RPL15: variants seen among roughly 807,000 people sequenced by gnomAD.
RPL15 encodes the protein large ribosomal subunit protein eL15.
For missense variants in RPL15, 161 were observed against 271.8 expected, an observed-to-expected ratio of 0.59 and a Z score of 2.87; for synonymous variants, 97 against 95.1, an observed-to-expected ratio of 1.02 and a Z score of -0.12.
In RPL15 at chr3:23,919,235, A is replaced by G. The variant is rs2125255813; in HGVS notation, c.349A>G (p.Asn117Asp). The change falls in exon 4 of 4, where the codon AAT becomes GAT. Residue 117 changes from asparagine (N) to aspartate (D), a missense_variant. Asn to Asp is a conservative substitution (Grantham distance 23). Transcript: ENST00000307839. Reference protein sequence around the residue: ...GRHCGALRVLNSYWVGEDSTY... With the variant: ...GRHCGALRVLDSYWVGEDSTY... ...CCACTGTGGGGCTCTGAGAGTCCTG[A>G]ATTCTTACTGGGTTGGTGAAGATTC... The G allele has an allele frequency of 3.1e-6, 5 of 1,613,858 alleles. No individual in the cohort carries two copies. Among genetic ancestry groups the G allele is most frequent in the Non-Finnish European group, 4.2e-6 (5 of 1,179,864 alleles).
downstream of RPL15, chr3:23,922,625 A>T (rs1705125125): frequency 2.0e-5 from 3 of 151,944 alleles, no homozygotes; most frequent in African/African-American, 7.2e-5. The surrounding 1 kb of genome is among the most constrained non-coding windows in gnomAD (Gnocchi z 4.2). Context: ...ACCTCAGGTG[A>T]TCCTCCCGCC....
At position 23,920,039 on chromosome 3, in the gene RPL15, C is replaced by T. The variant is rs987862953; in HGVS notation, c.*538C>T. ...CTGGTTCAGTGCCATGGCTTCATGG[C>T]ATTCAGTGATTAGTGGTAATGGTAA... On this transcript the variant is annotated 3_prime_UTR_variant, in exon 4 of 4. Coordinates refer to ENST00000307839, the MANE Select transcript of RPL15 (RefSeq NM_002948.5). 1.0e-6 allele frequency: 1 copy of T among 986,058 alleles called. No homozygotes were observed. The highest frequency in any genetic ancestry group is 1.2e-6 in the Non-Finnish European group (1 of 830,222). The allele number at this position is 986,058 out of a possible 1,614,324, so 61.1% of individuals were successfully genotyped here.
rs1403995582 is a variant in RPL15, at chr3:23,920,282, C to CT, written c.*782dup. On this transcript the variant is annotated 3_prime_UTR_variant, in exon 4 of 4. Coordinates refer to ENST00000307839, the MANE Select transcript of RPL15 (RefSeq NM_002948.5). Reference sequence around the variant, plus strand: ...GTCACATTAGGGGGAAAGTAGTTGGCTATAAGTACGTCATTCTTAGTCCAG... The same window carrying CT: ...GTCACATTAGGGGGAAAGTAGTTGGCTTATAAGTACGTCATTCTTAGTCCAG... 11 of 985,768 alleles carry CT rather than the reference C, an allele frequency of 1.1e-5. No individual in the cohort carries two copies. The Admixed American group carries it at 3.1e-4, about 28-fold the overall frequency. The allele number at this position is 985,768 out of a possible 1,614,324, so 61.1% of individuals were successfully genotyped here. A position where few individuals can be genotyped will look rare whatever the true frequency, so the allele number is the denominator to read the frequency against.
Position 23,919,935 on chromosome 3 carries a change from A to G in RPL15, c.*434A>G, listed in dbSNP as rs1575122526. ...GTGTAGACTTTTTAAGTTGGGCTTT[A>G]GAAAATCTGGGTTAGCCTGAAGAAA... On this transcript the variant is annotated 3_prime_UTR_variant, in exon 4 of 4. Transcript: ENST00000307839. The G allele has an allele frequency of 1.1e-5, 11 of 989,610 alleles. No individual in the cohort carries two copies. Among genetic ancestry groups the G allele is most frequent in the Non-Finnish European group, 1.3e-5 (11 of 832,528 alleles). 61.3% of individuals were successfully genotyped at this position (989,610 alleles called of 1,614,324 possible).
chr3:23,918,607 A>G (rs536432692), intron 3 of RPL15, 31 bp downstream of exon 3: 2 of 1,607,176 alleles, frequency 1.2e-6, no homozygotes, highest in African/African-American at 2.7e-5. Context: ...GTTATATTGA[A>G]TACTGCCTGG....
Position 23,918,416 on chromosome 3 carries a change from A to G in RPL15, c.173-24A>G, listed in dbSNP as rs139041613. On this transcript the variant is annotated intron_variant, in intron 2 of 3. Transcript: ENST00000307839. ...CCTTACGGCTTCCTATAAAATCACT[A>G]ATTTCGTGTGTGTTTGTGTGTAGGT... 9.9e-4 allele frequency: 1,591 copies of G among 1,607,588 alleles called. 23 individuals carry two copies. The East Asian group carries it at 0.024, about 24-fold the overall frequency.
chr3:23,920,505 C>T lies in RPL15; in HGVS notation c.*1004C>T, dbSNP rs777350963. 3 of 984,860 alleles carry T rather than the reference C, an allele frequency of 3.0e-6. No homozygotes were observed. In the African/African-American group the frequency reaches 5.2e-5, roughly 17 times the overall value. 61.0% of individuals were successfully genotyped at this position (984,860 alleles called of 1,614,324 possible). A position where few individuals can be genotyped will look rare whatever the true frequency, so the allele number is the denominator to read the frequency against. ...ACCCACTTTGACTATGAGTATACCA[C>T]CACATTGCATTTCTGTTTGCACCAT... On this transcript the variant is annotated 3_prime_UTR_variant, in exon 4 of 4. Coordinates refer to ENST00000307839, the MANE Select transcript of RPL15 (RefSeq NM_002948.5).
At position 23,920,105 on chromosome 3, in the gene RPL15, T is replaced by G; in HGVS notation, c.*604T>G. The G allele has an allele frequency of 1.0e-6, 1 of 985,902 alleles. No individual in the cohort carries two copies. The highest frequency in any genetic ancestry group is 1.2e-6 in the Non-Finnish European group (1 of 829,958). 61.1% of individuals were successfully genotyped at this position (985,902 alleles called of 1,614,324 possible). A position where few individuals can be genotyped will look rare whatever the true frequency, so the allele number is the denominator to read the frequency against. On this transcript the variant is annotated 3_prime_UTR_variant, in exon 4 of 4. Coordinates refer to ENST00000307839, the MANE Select transcript of RPL15 (RefSeq NM_002948.5). ...GAAGTTGAATGTGCGATAAAATTAT[T>G]AGCCTTAAGATTGGTAAGCTAGCAA...
rs550146285 is a variant in RPL15 at position 23,918,584 on chromosome 3, G to T, written c.309+8G>T. On this transcript the variant is annotated splice_region_variant and intron_variant, in intron 3 of 3. Transcript: ENST00000307839. ...CTTCAGTCCGTTGCAGAGGTAAATG[G>T]TTTTGAGTAGCAGTTATATTGAATA... 3 of 1,612,544 alleles carry T rather than the reference G, an allele frequency of 1.9e-6. No individual in the cohort carries two copies. Among genetic ancestry groups the T allele is most frequent in the Non-Finnish European group, 2.5e-6 (3 of 1,179,644 alleles).
rs1471448927 is a variant in RPL15 at position 23,920,295 on chromosome 3, ATTC to A, written c.*797_*799del. The A allele has an allele frequency of 4.1e-6, 4 of 985,860 alleles. No individual in the cohort carries two copies. The highest frequency in any genetic ancestry group is 4.8e-6 in the Non-Finnish European group (4 of 829,932). The allele number at this position is 985,860 out of a possible 1,614,324, so 61.1% of individuals were successfully genotyped here. ...GAAAGTAGTTGGCTATAAGTACGTC[ATTC>A]TTAGTCCAGTCAGTCTTAAAAACAT... On this transcript the variant is annotated 3_prime_UTR_variant, in exon 4 of 4. Coordinates refer to ENST00000307839, the MANE Select transcript of RPL15 (RefSeq NM_002948.5).
At chr3:23,917,809 C>T (rs1470050663) in intron 1 of RPL15, 41 bp from the exon 2 acceptor site, 2 of 1,555,152 alleles carry the variant, frequency 1.3e-6, no homozygotes, top group Non-Finnish European at 8.7e-7. Context: ...TCTTATTGTA[C>T]TTAAAGCGGA....
Position 23,920,072 on chromosome 3 carries a change from T to G in RPL15, c.*571T>G, listed in dbSNP as rs1704988020. 1.0e-6 allele frequency: 1 copy of G among 985,616 alleles called. No individual in the cohort carries two copies. The highest frequency in any genetic ancestry group is 4.7e-5 in the South Asian group (1 of 21,290). The allele number at this position is 985,616 out of a possible 1,614,324, so 61.1% of individuals were successfully genotyped here. On this transcript the variant is annotated 3_prime_UTR_variant, in exon 4 of 4. Coordinates refer to ENST00000307839, the MANE Select transcript of RPL15 (RefSeq NM_002948.5). ...GATTAGTGGTAATGGTAAACACTGGTGTGTTTTGAAGTTGAATGTGCGATA... is the reference window on the plus strand; with the variant it reads ...GATTAGTGGTAATGGTAAACACTGGGGTGTTTTGAAGTTGAATGTGCGATA...
At chr3:23,921,803 G>C, downstream of RPL15, 10 of 566,504 alleles carry the variant, frequency 1.8e-5, no homozygotes, top group Non-Finnish European at 2.8e-5. Context: ...TCGAACTCCT[G>C]ACCTCAAGTG....
chr3:23,917,534 G>C (rs1329759217), intron 1 of RPL15: 4 of 241,284 alleles, frequency 1.7e-5, no homozygotes, highest in Non-Finnish European at 3.2e-5. Context: ...TGATGTCAGC[G>C]GCATCTCCTT....
rs1182790151 is a variant in RPL15, at chr3:23,919,907, C to T, written c.*406C>T. The T allele has an allele frequency of 2.0e-5, 20 of 991,866 alleles. No individual in the cohort carries two copies. The highest frequency in any genetic ancestry group is 2.3e-5 in the Non-Finnish European group (19 of 834,180). The allele number at this position is 991,866 out of a possible 1,614,324, so 61.4% of individuals were successfully genotyped here. On this transcript the variant is annotated 3_prime_UTR_variant, in exon 4 of 4. Coordinates refer to ENST00000307839, the MANE Select transcript of RPL15 (RefSeq NM_002948.5). ...AGTGGCTGCGTTTTTTTTAGTTTGG[C>T]AGGTGTAGACTTTTTAAGTTGGGCT...
At position 23,920,002 on chromosome 3, in the gene RPL15, A is replaced by C; in HGVS notation, c.*501A>C. The C allele has an allele frequency of 2.0e-6, 2 of 986,928 alleles. No individual in the cohort carries two copies. The highest frequency in any genetic ancestry group is 2.4e-6 in the Non-Finnish European group (2 of 830,738). 61.1% of individuals were successfully genotyped at this position (986,928 alleles called of 1,614,324 possible). On this transcript the variant is annotated 3_prime_UTR_variant, in exon 4 of 4. Coordinates refer to ENST00000307839, the MANE Select transcript of RPL15 (RefSeq NM_002948.5). ...CAGTACCATTTTAAATTCACATAAA[A>C]GGTGAAAGCTCCTGGTTCAGTGCCA...
At chr3:23,924,439 C>G (rs1705173352), downstream of RPL15, 1 of 152,238 alleles carries the variant, frequency 6.6e-6, no homozygotes, top group Admixed American at 6.5e-5. Context: ...AGACGAGTCT[C>G]TGTCACCCAG....
Position 23,920,652 on chromosome 3 carries a change from A to G in RPL15, c.*1151A>G, listed in dbSNP as rs1461460887. On this transcript the variant is annotated 3_prime_UTR_variant, in exon 4 of 4. Coordinates refer to ENST00000307839, the MANE Select transcript of RPL15 (RefSeq NM_002948.5). ...GACTTAATTTAAATGCTCGTTCTGA[A>G]CCAATTTTCTCCTATCTTCTCTAGG... is the stretch of plus-strand genomic sequence containing the variant. 1 of 985,102 alleles carries G rather than the reference A, an allele frequency of 1.0e-6. No individual in the cohort carries two copies. The highest frequency in any genetic ancestry group is 1.2e-6 in the Non-Finnish European group (1 of 829,768). The allele number at this position is 985,102 out of a possible 1,614,324, so 61.0% of individuals were successfully genotyped here. A position where few individuals can be genotyped will look rare whatever the true frequency, so the allele number is the denominator to read the frequency against.
downstream of RPL15, among the ~76,000 whole-genome samples, chr3:23,921,299 G>A (rs1227420538): frequency 2.0e-5 from 3 of 152,112 alleles, no homozygotes; most frequent in African/African-American, 7.2e-5. Flanking sequence ...TGGCACTCCC[G>A]TGCAAAAAAA....
Sources: gnomAD v4.1 joint callset for allele counts (sites outside exome capture counted in the v4.1 genomes callset) on GRCh38, gnomAD v4.1.1 for gene constraint, Gnocchi (gnomAD v3.1) non-coding constraint, MANE v1.5 for transcripts, NCBI Gene and HGNC (gene_info 2026-07-23, HGNC 2026-07-21) for gene names.